Variants in SCN9A observed in about 807,000 individuals in gnomAD.
SCN9A encodes the protein sodium voltage-gated channel alpha subunit 9, also known as sodium channel protein type 9 subunit alpha.
In SCN9A, 131 loss-of-function variants were observed where a neutral mutation model predicts 187.0. The observed-to-expected ratio is 0.70, with a 90% confidence interval of 0.61 to 0.81. The LOEUF (loss-of-function observed/expected upper bound fraction) is 0.81. SCN9A is among the 30% of genes least tolerant of loss of function. The pLI, the probability that SCN9A is intolerant of heterozygous loss-of-function variation, is 0.00. For missense variants in SCN9A, 2,252 were observed against 2,396.6 expected, an observed-to-expected ratio of 0.94 and a Z score of 1.26; for synonymous variants, 809 against 808.6, an observed-to-expected ratio of 1.00 and a Z score of -0.01.
At position 166,272,502 on chromosome 2, in the gene SCN9A, G is replaced by C. The variant is rs1448919051; in HGVS notation, c.3248C>G (p.Pro1083Arg). The change falls in exon 17 of 27, where the codon CCC (proline) becomes CGC (arginine). Residue 1083 changes from proline (P) to arginine (R), a missense_variant. Pro to Arg is a moderately radical substitution (Grantham distance 103, BLOSUM62 -2). Transcript: ENST00000642356. ...DSDGQSFIHN[P>R]SLTVTVPIAP... ...AATTGGCACTGTCACTGTGAGGCTG[G>C]GATTGTGAATAAATGATTGACCATC... 1 of 1,613,026 alleles carries C rather than the reference G, an allele frequency of 6.2e-7. No homozygotes were observed. Among genetic ancestry groups the C allele is most frequent in the Non-Finnish European group, 8.5e-7 (1 of 1,179,614 alleles).
intron 1 of SCN9A, among the ~76,000 whole-genome samples, chr2:166,351,076 A>G (rs2105298426): frequency 6.6e-6 from 1 of 152,240 alleles, no homozygotes; most frequent in Non-Finnish European, 1.5e-5. Flanking sequence ...CTAAGTAGAC[A>G]CTTAAGACAT....
chr2:166,347,568 G>C (rs1367385501), intron 1 of SCN9A, among the ~76,000 whole-genome samples: 1 of 152,172 alleles, frequency 6.6e-6, no homozygotes, highest in East Asian at 1.9e-4. Context: ...GGAAAGCCTT[G>C]AGTTCTGTGC....
rs181594872 is a variant in SCN9A at position 166,203,210 on chromosome 2, C to A, written c.4774+745G>T. Among the ~76,000 whole-genome samples the A allele has an allele frequency of 8.6e-4, 130 of 151,900 alleles. 1 individual carries two copies. The highest frequency in any genetic ancestry group is 6.8e-3 in the Middle Eastern group (2 of 294). ...TGATTCTAAGTCATGCAACCTTGAACCTTTTCAGATTGATAACCTGTTGAT... is the reference window on the plus strand; with the variant it reads ...TGATTCTAAGTCATGCAACCTTGAAACTTTTCAGATTGATAACCTGTTGAT... On this transcript the variant is annotated intron_variant, in intron 26 of 26. Coordinates refer to ENST00000642356, the MANE Select transcript of SCN9A (RefSeq NM_001365536.1).
chr2:166,276,943 C>A, intron 16 of SCN9A, 40 bp downstream of exon 16: 1 of 1,536,158 alleles, frequency 6.5e-7, no homozygotes, highest in South Asian at 1.3e-5. Context: ...AAAATAATTT[C>A]CACAGAGAAA....
chr2:166,250,054 A>G (rs1558982496), intron 18 of SCN9A, among the ~76,000 whole-genome samples: 1 of 152,176 alleles, frequency 6.6e-6, no homozygotes, highest in Non-Finnish European at 1.5e-5. Context: ...CACAAAATTT[A>G]TATTGACTGG....
At chr2:166,206,738 TC>T (rs1421086046) in intron 24 of SCN9A, among the ~76,000 whole-genome samples, 2 of 152,176 alleles carry the variant, frequency 1.3e-5, no homozygotes, top group African/African-American at 4.8e-5. Flanking sequence ...ATACCATTAT[TC>T]CTTTACATAA....
intron 22 of SCN9A, among the ~76,000 whole-genome samples, chr2:166,228,247 CTTTTT>C (rs33924683): frequency 1.7e-4 from 15 of 85,994 alleles, no homozygotes; most frequent in African/African-American, 6.4e-4. Context: ...AAGACCAACA[CTTTTT>C]TTTTTTTTTT....
At chr2:166,206,446 T>TA (rs1693809867) in intron 24 of SCN9A, among the ~76,000 whole-genome samples, 1 of 152,044 alleles carries the variant, frequency 6.6e-6, no homozygotes. Flanking sequence ...TTCTCACTCA[T>TA]AAGTGGGAGT....
chr2:166,349,171 C>G (rs1046764807), intron 1 of SCN9A, among the ~76,000 whole-genome samples: 6 of 151,902 alleles, frequency 3.9e-5, no homozygotes, highest in African/African-American at 1.5e-4. Context: ...CTCCTCTCAT[C>G]ATGATTTGAC....
At chr2:166,340,577 TC>T (rs1419182401) in intron 1 of SCN9A, among the ~76,000 whole-genome samples, 5 of 79,138 alleles carry the variant, frequency 6.3e-5, no homozygotes, top group African/African-American at 3.6e-4. Flanking sequence ...TTTCTTTCTT[TC>T]TTTCTTTCTT....
chr2:166,265,410 A>C (rs558502208), intron 17 of SCN9A, among the ~76,000 whole-genome samples: 1 of 152,010 alleles, frequency 6.6e-6, no homozygotes, highest in African/African-American at 2.4e-5. Context: ...AATGGCGTTC[A>C]ATTTTTCTTA....
chr2:166,226,499 A>T, intron 24 of SCN9A, 68 bp downstream of exon 24: 1 of 1,120,288 alleles, frequency 8.9e-7, no homozygotes, highest in Non-Finnish European at 1.2e-6. Flanking sequence ...ATTAAACTTT[A>T]CATTATCTTT....
Position 166,288,566 on chromosome 2 carries a change from G to A in SCN9A, c.1185C>T (p.Asn395=), listed in dbSNP as rs80356471. Residue 395 remains asparagine, a synonymous_variant, in exon 10 of 27, where the codon AAC becomes AAT. Coordinates refer to ENST00000642356, the MANE Select transcript of SCN9A (RefSeq NM_001365536.1). The part of the protein sequence containing the change: ...VIFLGSFYLI[N]LILAVVAMAY... ...CCATGGCAACCACAGCCAGGATCAAGTTTATTAGATAAAAGGAGCCCAGGA... is the reference window on the plus strand; with the variant it reads ...CCATGGCAACCACAGCCAGGATCAAATTTATTAGATAAAAGGAGCCCAGGA... 1.5e-5 allele frequency: 24 copies of A among 1,612,708 alleles called. No homozygotes were observed. The highest frequency in any genetic ancestry group is 1.9e-5 in the Non-Finnish European group (22 of 1,179,038).
intron 1 of SCN9A, chr2:166,321,522 CAAA>C (rs5836096): frequency 0.22 from 29,997 of 137,932 alleles, 3,680 homozygotes; most frequent in Non-Finnish European, 0.31. Context: ...GACCCTGTCT[CAAA>C]AAAAAAAAAA....
intron 26 of SCN9A, 127 bp from the exon 27 acceptor site, chr2:166,199,991 T>TTTTTTTTG (rs1693418088): frequency 2.4e-6 from 1 of 421,364 alleles, no homozygotes; most frequent in Admixed American, 1.0e-4. Context: ...TTTTTTTTTT[T>TTTTTTTTG]TTTTTTTTTT....
chr2:166,247,749 T>C (rs1021721374), intron 18 of SCN9A, among the ~76,000 whole-genome samples: 2 of 152,172 alleles, frequency 1.3e-5, no homozygotes, highest in Non-Finnish European at 2.9e-5. Flanking sequence ...TCTCTTGACC[T>C]TGTGAAAAAG....
rs1467872202 is a variant in SCN9A, at chr2:166,242,627, C to A, written c.3502G>T (p.Val1168Phe). ...GCVWRFSCCQVNIESGKGKIW... is the reference protein window; with the variant it reads ...GCVWRFSCCQFNIESGKGKIW... ...TTTCCTTTCCCTGACTCTATGTTAA[C>A]TTGGCAGCATGAGAACCTCCATACA... Residue 1168 changes from valine (V) to phenylalanine (F), a missense_variant, in exon 19 of 27, where the codon GTT becomes TTT. Coordinates refer to ENST00000642356, the MANE Select transcript of SCN9A (RefSeq NM_001365536.1). 1 of 1,552,460 alleles carries A rather than the reference C, an allele frequency of 6.4e-7. No individual in the cohort carries two copies. The highest frequency in any genetic ancestry group is 2.0e-5 in the Admixed American group (1 of 51,048).
At chr2:166,306,904 CA>C in intron 3 of SCN9A, 51 bp downstream of exon 3, 1 of 1,043,422 alleles carries the variant, frequency 9.6e-7, no homozygotes, top group Non-Finnish European at 1.4e-6. Context: ...AATAAAATAG[CA>C]AAAATTACAC....
In SCN9A at chr2:166,198,820, T is replaced by C. The variant is rs1258083907; in HGVS notation, c.5819A>G (p.Asn1940Ser). 6.2e-7 allele frequency: 1 copy of C among 1,613,322 alleles called. No individual in the cohort carries two copies. The highest frequency in any genetic ancestry group is 1.3e-5 in the African/African-American group (1 of 75,040). Residue 1940 changes from asparagine to serine, a missense_variant, in exon 27 of 27, where the codon AAC becomes AGC. By Grantham distance (46) the Asn-to-Ser change is conservative. Coordinates refer to ENST00000642356, the MANE Select transcript of SCN9A (RefSeq NM_001365536.1). ...KDMAFDNVNE[N>S]SSPEKTDATS... ...GGCATCTGTTTTTTCTGGACTTGAG[T>C]TCTCATTAACATTATCAAAAGCCAT...
Sources: allele counts gnomAD v4.1 joint callset (sites outside exome capture counted in the v4.1 genomes callset), GRCh38; gene constraint gnomAD v4.1.1; transcripts MANE v1.5; gene names NCBI Gene and HGNC (gene_info 2026-07-23, HGNC 2026-07-21).